CTNNBIP1: variants seen among roughly 807,000 people sequenced by gnomAD.
The protein encoded by CTNNBIP1 is catenin beta interacting protein 1.
Under a neutral mutation model 11.8 loss-of-function variants are expected in CTNNBIP1, and 7 were observed. The observed-to-expected ratio is 0.60, with a 90% CI of 0.34 to 1.12. The LOEUF (loss-of-function observed/expected upper bound fraction) is 1.12. CTNNBIP1 is among the 50% of genes most tolerant of loss of function. The pLI is 0.03. For missense variants in CTNNBIP1, 101 were observed against 113.4 expected (o/e 0.89, Z 0.50); for synonymous variants, 58 against 43.9 (o/e 1.32, Z -1.26).
At chr1:9,907,880 C>T (rs1639648321) in intron 1 of CTNNBIP1, among the ~76,000 whole-genome samples, 1 of 152,222 alleles carries the variant, frequency 6.6e-6, no homozygotes, top group Non-Finnish European at 1.5e-5. Context: ...GGTATTCCTG[C>T]CTCCACCTTT....
chr1:9,897,052 G>A (rs1639423007), intron 1 of CTNNBIP1, among the ~76,000 whole-genome samples: 1 of 151,078 alleles, frequency 6.6e-6, no homozygotes, highest in Non-Finnish European at 1.5e-5. Flanking sequence ...TGAGGCAAGA[G>A]AATCGCTTGA....
intron 1 of CTNNBIP1, among the ~76,000 whole-genome samples, chr1:9,906,503 G>A (rs1014096315): frequency 1.3e-5 from 2 of 152,180 alleles, no homozygotes; most frequent in Non-Finnish European, 2.9e-5. Flanking sequence ...GGGTTGCAGT[G>A]AGCCAAGATT....
At position 9,872,346 on chromosome 1, in the gene CTNNBIP1, C is replaced by T. The variant is rs189630529; in HGVS notation, c.-24-258G>A. On this transcript the variant is annotated intron_variant, in intron 3 of 5. Transcript: ENST00000377263. This position sits in a 1 kb window ranked among gnomAD's most constrained non-coding sequence, Gnocchi z 4.0. ...CCTGCTGCCTCTGTGCATGAAGCTG[C>T]TGCGTCCAGGAAAACTGAGATGACC... 7.2e-5 allele frequency among the ~76,000 whole-genome samples: 11 copies of T among 152,360 alleles called. No individual in the cohort carries two copies. In the East Asian group the frequency reaches 2.1e-3, roughly 29 times the overall value.
At chr1:9,866,442 C>A (rs1178453406) in intron 5 of CTNNBIP1, among the ~76,000 whole-genome samples, 1 of 152,062 alleles carries the variant, frequency 6.6e-6, no homozygotes, top group African/African-American at 2.4e-5. Context: ...GCCTGTAATC[C>A]CAGCACTTTG....
At chr1:9,887,958 G>A (rs1287384222) in intron 1 of CTNNBIP1, among the ~76,000 whole-genome samples, 1 of 151,612 alleles carries the variant, frequency 6.6e-6, no homozygotes, top group Non-Finnish European at 1.5e-5. Context: ...CTAATAGCTG[G>A]GATTACAGGC....
chr1:9,889,169 C>T (rs1452654082), intron 1 of CTNNBIP1, among the ~76,000 whole-genome samples: 1 of 152,228 alleles, frequency 6.6e-6, no homozygotes, highest in Non-Finnish European at 1.5e-5. Context: ...GACCTGCACG[C>T]TGGACAGGAA....
intron 1 of CTNNBIP1, among the ~76,000 whole-genome samples, chr1:9,901,276 C>T (rs1470628894): frequency 6.6e-6 from 1 of 152,094 alleles, no homozygotes; most frequent in East Asian, 1.9e-4. Flanking sequence ...CTCTGGGAAG[C>T]CAGGGCTGCC....
At chr1:9,909,548 T>C (rs890753077) in intron 1 of CTNNBIP1, among the ~76,000 whole-genome samples, 9 of 152,046 alleles carry the variant, frequency 5.9e-5, no homozygotes, top group Non-Finnish European at 1.2e-4. Context: ...GAGGTGCAGT[T>C]TGGGGCTCCA....
At chr1:9,904,035 G>C (rs901770084) in intron 1 of CTNNBIP1, among the ~76,000 whole-genome samples, 1 of 152,160 alleles carries the variant, frequency 6.6e-6, no homozygotes, top group Non-Finnish European at 1.5e-5. Flanking sequence ...GAAACCGTGA[G>C]GATGAAATGA....
intron 5 of CTNNBIP1, among the ~76,000 whole-genome samples, chr1:9,861,426 C>T (rs1356788828): frequency 6.6e-6 from 1 of 152,210 alleles, no homozygotes; most frequent in Non-Finnish European, 1.5e-5. Context: ...CTATACATCT[C>T]AGCTCTGATG....
At chr1:9,907,524 C>T (rs983236933) in intron 1 of CTNNBIP1, among the ~76,000 whole-genome samples, 1 of 152,158 alleles carries the variant, frequency 6.6e-6, no homozygotes, top group African/African-American at 2.4e-5. Flanking sequence ...CTCCTACCTA[C>T]CATGAGAACA....
intron 1 of CTNNBIP1, among the ~76,000 whole-genome samples, chr1:9,891,134 GAC>G (rs549282371): frequency 1.5e-4 from 22 of 149,522 alleles, no homozygotes; most frequent in African/African-American, 5.2e-4. Context: ...GGGGAAAACT[GAC>G]ACAGTGCTAT....
intron 5 of CTNNBIP1, among the ~76,000 whole-genome samples, chr1:9,868,194 G>T (rs552295444): frequency 5.8e-4 from 88 of 152,330 alleles, no homozygotes; most frequent in African/African-American, 2.1e-3. Context: ...TCCACAGGGC[G>T]CCCCAGCAGC....
chr1:9,908,432 G>A (rs908561097), intron 1 of CTNNBIP1, among the ~76,000 whole-genome samples: 3 of 147,336 alleles, frequency 2.0e-5, no homozygotes, highest in African/African-American at 7.6e-5. Flanking sequence ...GGAGTGCAGT[G>A]GCGTGACCTC....
At chr1:9,869,637 T>C (rs1234644629) in intron 5 of CTNNBIP1, among the ~76,000 whole-genome samples, 1 of 152,226 alleles carries the variant, frequency 6.6e-6, no homozygotes, top group African/African-American at 2.4e-5. Context: ...TTGCTGCTTT[T>C]TATACTGACA....
At chr1:9,882,310 C>T (rs1341316746) in intron 2 of CTNNBIP1, among the ~76,000 whole-genome samples, 1 of 152,240 alleles carries the variant, frequency 6.6e-6, no homozygotes, top group African/African-American at 2.4e-5. Context: ...AGAGCCACGG[C>T]TCACATGTGA....
chr1:9,900,380 G>A (rs72858060), intron 1 of CTNNBIP1, among the ~76,000 whole-genome samples: 5,248 of 152,260 alleles, frequency 0.034, 289 homozygotes, highest in African/African-American at 0.12. Context: ...CAGCCTGGGC[G>A]AATGATGTTT....
At position 9,849,955 on chromosome 1, in the gene CTNNBIP1, G is replaced by T. The variant is rs1286988001; in HGVS notation, c.*763C>A. The T allele has an allele frequency of 6.6e-6, 1 of 152,358 alleles. No individual in the cohort carries two copies. Among genetic ancestry groups the T allele is most frequent in the African/African-American group, 2.4e-5 (1 of 41,408 alleles). 9.4% of individuals were successfully genotyped at this position (152,358 alleles called of 1,614,324 possible). Reference sequence around the variant, plus strand: ...GGGGTCCCCTTGCTGGTGGAGGCAGGTGCACTCATTAAAGCAAATGTACTC... The same window carrying T: ...GGGGTCCCCTTGCTGGTGGAGGCAGTTGCACTCATTAAAGCAAATGTACTC... On this transcript the variant is annotated 3_prime_UTR_variant, in exon 6 of 6. Coordinates refer to ENST00000377263, the MANE Select transcript of CTNNBIP1 (RefSeq NM_020248.3).
At chr1:9,875,317 G>C (rs1333330968) in intron 3 of CTNNBIP1, among the ~76,000 whole-genome samples, 1 of 152,218 alleles carries the variant, frequency 6.6e-6, no homozygotes, top group Non-Finnish European at 1.5e-5. Flanking sequence ...ATCCACCCAG[G>C]AGCCAGTGGT....
Sources: gnomAD v4.1 joint callset for allele counts (sites outside exome capture counted in the v4.1 genomes callset) on GRCh38, gnomAD v4.1.1 for gene constraint, Gnocchi (gnomAD v3.1) non-coding constraint, MANE v1.5 for transcripts, NCBI Gene and HGNC (gene_info 2026-07-23, HGNC 2026-07-21) for gene names.